NRG1: variants seen among roughly 807,000 people sequenced by gnomAD.
The protein encoded by NRG1 is neuregulin 1, also known as pro-neuregulin-1, membrane-bound isoform.
In NRG1, 18 loss-of-function variants were observed where a neutral mutation model predicts 63.8. The ratio of observed to expected loss-of-function variants is 0.28; its 90% CI spans 0.19 to 0.42. The LOEUF is 0.42. NRG1 is among the 10% of genes least tolerant of loss of function. NRG1 has a pLI of 1.00. For synonymous variants in NRG1, 302 were observed against 301.3 expected (o/e 1.00, Z -0.02); for missense variants, 762 against 814.7 (o/e 0.94, Z 0.79).
intron 1 of NRG1, among the ~76,000 whole-genome samples, chr8:31,701,428 A>G (rs551871801): frequency 2.0e-5 from 3 of 152,296 alleles, no homozygotes; most frequent in Non-Finnish European, 2.9e-5. Flanking sequence ...ATGAACATAC[A>G]TATTCCGAAC....
Position 31,868,555 on chromosome 8 carries a change from T to A in NRG1, c.37+229124T>A, listed in dbSNP as rs551850001. Among the ~76,000 whole-genome samples the A allele has an allele frequency of 2.6e-5, 4 of 152,296 alleles. No individual in the cohort carries two copies. In the South Asian group the frequency reaches 6.2e-4, roughly 24 times the overall value. On this transcript the variant is annotated intron_variant, in intron 1 of 10. Transcript: ENST00000519301. ...TGTCTTATTGCCCTACACAGACATATAATCAGTCCAGCCTGTGTGAAACTC... is the reference window on the plus strand; with the variant it reads ...TGTCTTATTGCCCTACACAGACATAAAATCAGTCCAGCCTGTGTGAAACTC...
intron 1 of NRG1, among the ~76,000 whole-genome samples, chr8:31,874,491 A>G (rs1469940359): frequency 6.6e-6 from 1 of 152,186 alleles, no homozygotes; most frequent in African/African-American, 2.4e-5. Context: ...CATCAACCTA[A>G]TATTTACAGG....
At chr8:32,555,627 A>G (rs541056228) in intron 1 of NRG1, among the ~76,000 whole-genome samples, 13 of 149,484 alleles carry the variant, frequency 8.7e-5, no homozygotes, top group African/African-American at 3.1e-4. Context: ...GCCCACCACC[A>G]CGCCCGGCTG....
chr8:31,830,617 A>G (rs373291289), intron 1 of NRG1, among the ~76,000 whole-genome samples: 5 of 151,966 alleles, frequency 3.3e-5, no homozygotes, highest in Non-Finnish European at 5.9e-5. Context: ...CTCCATTTCA[A>G]TCTAGTTTCC....
At position 32,076,372 on chromosome 8, in the gene NRG1, G is replaced by T. The variant is rs189687986; in HGVS notation, c.37+436941G>T. Among the ~76,000 whole-genome samples, 17 of 152,254 alleles carry T rather than the reference G, an allele frequency of 1.1e-4. 1 individual carries two copies. The highest frequency in any genetic ancestry group is 4.1e-4 in the African/African-American group (17 of 41,550). On this transcript the variant is annotated intron_variant, in intron 1 of 10. Coordinates refer to the NRG1 transcript ENST00000519301. ...CAAATGGATAAATAAACTAAAAAGTGTTTAATACTCCAAAATGATTAGAAG... is the reference window on the plus strand; with the variant it reads ...CAAATGGATAAATAAACTAAAAAGTTTTTAATACTCCAAAATGATTAGAAG...
chr8:32,596,599 C>CAAA lies in NRG1; in HGVS notation c.278+606_278+608dup, dbSNP rs5890663. 2.5e-3 allele frequency among the ~76,000 whole-genome samples: 349 copies of CAAA among 139,182 alleles called. 4 individuals carry two copies. The highest frequency in any genetic ancestry group is 8.7e-3 in the African/African-American group (326 of 37,350). The allele number at this position is 139,182 out of a possible 152,430, so 91.3% of individuals were successfully genotyped here. A position where few individuals can be genotyped will look rare whatever the true frequency, so the allele number is the denominator to read the frequency against. On this transcript the variant is annotated intron_variant, in intron 2 of 11. Coordinates refer to ENST00000356819, the Ensembl canonical transcript of NRG1. ...TGGGCAACAGAGCGAGACTCCATCT[C>CAAA]AAAAAAAAAAAAAATGCAATTTCTT...
At chr8:32,305,334 A>G (rs547725970) in intron 1 of NRG1, among the ~76,000 whole-genome samples, 2 of 152,286 alleles carry the variant, frequency 1.3e-5, no homozygotes, top group South Asian at 4.1e-4. Flanking sequence ...GTTATTTTAT[A>G]TTTTAGAAAT....
intron 7 of NRG1, among the ~76,000 whole-genome samples, chr8:32,744,728 T>C (rs996293285): frequency 6.6e-6 from 1 of 152,160 alleles, no homozygotes; most frequent in African/African-American, 2.4e-5. Context: ...TCAGGCACTA[T>C]ATAAATAAAA....
At chr8:31,953,108 G>GTT (rs139779077) in intron 1 of NRG1, among the ~76,000 whole-genome samples, 6 of 149,902 alleles carry the variant, frequency 4.0e-5, no homozygotes, top group Admixed American at 1.3e-4. Context: ...AGCAAAAAGG[G>GTT]TTTTTTTTTT....
intron 1 of NRG1, among the ~76,000 whole-genome samples, chr8:31,967,431 G>A (rs1806537641): frequency 6.6e-6 from 1 of 152,100 alleles, no homozygotes; most frequent in South Asian, 2.1e-4. Flanking sequence ...GGTCTGAGTA[G>A]CCTCAGACAG....
chr8:32,558,936 C>T lies in NRG1; in HGVS notation c.100+10110C>T, dbSNP rs887481752. On this transcript the variant is annotated intron_variant, in intron 1 of 11. Transcript: ENST00000356819. ...TCTACTAAAAATCCAAAAAGTTAGC[C>T]GGGCAAGGTGGCATGTGCCTGTGGT... 7.3e-5 allele frequency among the ~76,000 whole-genome samples: 11 copies of T among 151,452 alleles called. No homozygotes were observed. The South Asian group carries it at 8.3e-4, about 11-fold the overall frequency.
rs147359688 is a variant in NRG1 at position 32,450,538 on chromosome 8, C to T, written c.38-145290C>T. Among the ~76,000 whole-genome samples the T allele has an allele frequency of 1.8e-4, 27 of 152,270 alleles. No individual in the cohort carries two copies. In the East Asian group the frequency reaches 5.0e-3, roughly 28 times the overall value. ...TCAAACAATCCTCCCACCTCAGCCT[C>T]CCAAATAGCTTGGACTACAGGTACA... On this transcript the variant is annotated intron_variant, in intron 1 of 10. Transcript: ENST00000519301.
At chr8:32,616,497 A>T (rs189219438) in intron 4 of NRG1, among the ~76,000 whole-genome samples, 17 of 152,242 alleles carry the variant, frequency 1.1e-4, no homozygotes, top group Admixed American at 2.6e-4. Flanking sequence ...CAAAATCAAG[A>T]CCACATCTGA....
chr8:32,190,107 G>A (rs73675873), intron 1 of NRG1, among the ~76,000 whole-genome samples: 2,033 of 152,046 alleles, frequency 0.013, 55 homozygotes, highest in African/African-American at 0.046. Flanking sequence ...GTTACAAATT[G>A]ACTGTATCGT....
intron 1 of NRG1, among the ~76,000 whole-genome samples, chr8:32,281,436 C>T (rs574547380): frequency 6.6e-6 from 1 of 152,022 alleles, no homozygotes; most frequent in Admixed American, 6.5e-5. Context: ...CCTCAGCCTC[C>T]CAAAGTACTT....
chr8:32,520,376 C>G (rs1014432596), intron 1 of NRG1, among the ~76,000 whole-genome samples: 1 of 150,292 alleles, frequency 6.7e-6, no homozygotes, highest in Non-Finnish European at 1.5e-5. Context: ...CCAGGCTGGT[C>G]TCGAACTCCT....
chr8:32,349,470 CA>C lies in NRG1; in HGVS notation c.38-246357del, dbSNP rs371055807. Among the ~76,000 whole-genome samples, 56 of 152,230 alleles carry C rather than the reference CA, an allele frequency of 3.7e-4. No homozygotes were observed. The South Asian group carries it at 6.6e-3, about 18-fold the overall frequency. On this transcript the variant is annotated intron_variant, in intron 1 of 10. Transcript: ENST00000519301. Reference sequence around the variant, plus strand: ...CTATGAGTAGTCAAGGTACCATACACATGGGAAGTGTGAAGGAGACTTACTT... The same window carrying C: ...CTATGAGTAGTCAAGGTACCATACACTGGGAAGTGTGAAGGAGACTTACTT...
chr8:32,036,102 A>C (rs774169972), intron 1 of NRG1, among the ~76,000 whole-genome samples: 1 of 152,180 alleles, frequency 6.6e-6, no homozygotes, highest in East Asian at 1.9e-4. Flanking sequence ...TGCTTCCTTC[A>C]GGAACTCTTG....
At chr8:31,800,310 G>A (rs570666248) in intron 1 of NRG1, among the ~76,000 whole-genome samples, 14 of 152,258 alleles carry the variant, frequency 9.2e-5, no homozygotes, top group Non-Finnish European at 1.9e-4. Context: ...ATGTGAGAAC[G>A]AAGAAGCAAA....
Sources: allele counts gnomAD v4.1 joint callset (sites outside exome capture counted in the v4.1 genomes callset), GRCh38; gene constraint gnomAD v4.1.1; transcripts MANE v1.5; gene names NCBI Gene and HGNC (gene_info 2026-07-23, HGNC 2026-07-21).